FREM1: variants seen among roughly 807,000 people sequenced by gnomAD.
FREM1 encodes FRAS1-related extracellular matrix protein 1.
A neutral mutation model predicts 210.1 loss-of-function variants in FREM1; 220 were observed. The observed-to-expected ratio is 1.05, with a 90% CI of 0.94 to 1.17. The LOEUF is 1.17. Ranked by LOEUF, FREM1 falls within the 50% of genes most tolerant of loss-of-function variation. FREM1 has a pLI of 0.00. For synonymous variants in FREM1, 1,189 were observed against 980.2 expected (o/e 1.21, Z -3.98); for missense variants, 3,454 against 2,675.5 (o/e 1.29, Z -6.42).
intron 1 of FREM1, among the ~76,000 whole-genome samples, chr9:14,882,067 G>C (rs563720080): frequency 1.3e-5 from 2 of 152,204 alleles, no homozygotes; most frequent in Admixed American, 6.5e-5. Flanking sequence ...TTTTACACAG[G>C]AGAGAATGTA....
chr9:14,796,806 C>G (rs1333193871), intron 21 of FREM1, among the ~76,000 whole-genome samples: 1 of 152,154 alleles, frequency 6.6e-6, no homozygotes, highest in African/African-American at 2.4e-5. Flanking sequence ...TCCTCCCAAT[C>G]CCTACAGAGC....
intron 10 of FREM1, among the ~76,000 whole-genome samples, chr9:14,825,298 G>A (rs1241818183): frequency 1.3e-5 from 2 of 151,554 alleles, no homozygotes; most frequent in Non-Finnish European, 2.9e-5. Context: ...GAACAGCCTG[G>A]CCAACATAGT....
At chr9:14,895,654 T>C (rs1035873802) in intron 1 of FREM1, among the ~76,000 whole-genome samples, 7 of 152,100 alleles carry the variant, frequency 4.6e-5, no homozygotes, top group Non-Finnish European at 5.9e-5. Context: ...GTTGTACTCT[T>C]TGTGTAGAAA....
intron 18 of FREM1, 41 bp downstream of exon 18, chr9:14,806,620 T>C: frequency 8.6e-7 from 1 of 1,165,364 alleles, no homozygotes; most frequent in Non-Finnish European, 1.3e-6. Flanking sequence ...TCCATAAATA[T>C]AAGGAAGGGA....
intron 2 of FREM1, among the ~76,000 whole-genome samples, chr9:14,864,910 A>G (rs1831236593): frequency 6.6e-6 from 1 of 152,228 alleles, no homozygotes; most frequent in Admixed American, 6.5e-5. Context: ...TAAAGCAAAG[A>G]CCTTCCCCAT....
chr9:14,773,729 T>G (rs940465143), intron 25 of FREM1, among the ~76,000 whole-genome samples: 1 of 151,936 alleles, frequency 6.6e-6, no homozygotes, highest in African/African-American at 2.4e-5. Flanking sequence ...TCTCTTACAA[T>G]AGCCATGCTC....
At chr9:14,769,312 T>C (rs1018984536) in intron 27 of FREM1, among the ~76,000 whole-genome samples, 3 of 152,220 alleles carry the variant, frequency 2.0e-5, no homozygotes, top group African/African-American at 7.2e-5. Flanking sequence ...TCTTCTTGAC[T>C]ACCTCATTTC....
chr9:14,833,712 A>C (rs577456448), intron 10 of FREM1, among the ~76,000 whole-genome samples: 1 of 152,204 alleles, frequency 6.6e-6, no homozygotes, highest in Non-Finnish European at 1.5e-5. Context: ...CTTAATTAAG[A>C]GTGGATATTC....
At position 14,757,530 on chromosome 9, in the gene FREM1, G is replaced by A. The variant is rs1453175863; in HGVS notation, c.5335-1084C>T. 5.9e-5 allele frequency among the ~76,000 whole-genome samples: 9 copies of A among 152,308 alleles called. No individual in the cohort carries two copies. In the South Asian group the frequency reaches 1.0e-3, roughly 18 times the overall value. On this transcript the variant is annotated intron_variant, in intron 28 of 36. Transcript: ENST00000380880. ...AGATGGTGCCATTGCACTCCAGCCCGGGTGATAGAGTGAGATTCCATCTCA... is the reference window on the plus strand; with the variant it reads ...AGATGGTGCCATTGCACTCCAGCCCAGGTGATAGAGTGAGATTCCATCTCA...
At position 14,851,181 on chromosome 9, in the gene FREM1, T is replaced by C. The variant is rs1431337244; in HGVS notation, c.1152+103A>G. 3 of 822,684 alleles carry C rather than the reference T, an allele frequency of 3.6e-6. No individual in the cohort carries two copies. In the East Asian group the frequency reaches 7.6e-5, roughly 21 times the overall value. 51.0% of individuals were successfully genotyped at this position (822,684 alleles called of 1,614,324 possible). A position where few individuals can be genotyped will look rare whatever the true frequency, so the allele number is the denominator to read the frequency against. ...TGATTTACAGTGATTGATTCTTTTC[T>C]GAGGCAATGAATGTACAAAGGAACC... On this transcript the variant is annotated intron_variant, in intron 6 of 36. Coordinates refer to ENST00000380880, the MANE Select transcript of FREM1 (RefSeq NM_001379081.2).
At chr9:14,788,802 A>T in intron 23 of FREM1, 117 bp downstream of exon 23, 1 of 795,458 alleles carries the variant, frequency 1.3e-6, no homozygotes, top group Non-Finnish European at 2.0e-6. Flanking sequence ...TTCAAAGATG[A>T]AGAGTGGCAG....
Position 14,776,130 on chromosome 9 carries a change from G to C in FREM1, c.4516C>G (p.Leu1506Val). The part of the protein sequence containing the change: ...EITLETVDRA[L>V]PVVTRNKGLR... Reference sequence around the variant, plus strand: ...CCCTTGTTCCTGGTTACCACAGGCAGGGCTCTGTCCACAGTCTCCAGTGTG... The same window carrying C: ...CCCTTGTTCCTGGTTACCACAGGCACGGCTCTGTCCACAGTCTCCAGTGTG... The change falls in exon 25 of 37, where the codon CTG (leucine) becomes GTG (valine). Residue 1506 changes from leucine (L) to valine (V), a missense_variant. By Grantham distance (32) the Leu-to-Val change is conservative (BLOSUM62 1). Coordinates refer to ENST00000380880, the MANE Select transcript of FREM1 (RefSeq NM_001379081.2). 6.3e-7 allele frequency: 1 copy of C among 1,589,318 alleles called. No homozygotes were observed. Among genetic ancestry groups the C allele is most frequent in the Non-Finnish European group, 8.6e-7 (1 of 1,166,548 alleles).
intron 1 of FREM1, among the ~76,000 whole-genome samples, chr9:14,881,632 T>C (rs139149945): frequency 6.6e-6 from 1 of 152,254 alleles, no homozygotes; most frequent in Non-Finnish European, 1.5e-5. Context: ...TTATGATAAC[T>C]TAGTAACTCT....
At chr9:14,784,014 T>A (rs1207634276) in intron 24 of FREM1, among the ~76,000 whole-genome samples, 1 of 152,178 alleles carries the variant, frequency 6.6e-6, no homozygotes, top group African/African-American at 2.4e-5. Flanking sequence ...TTTTCACATT[T>A]CTCCTCGTAG....
chr9:14,789,311 A>C (rs570655063), intron 22 of FREM1, among the ~76,000 whole-genome samples, 197 bp from the exon 23 acceptor site: 8 of 152,318 alleles, frequency 5.3e-5, no homozygotes, highest in Admixed American at 3.3e-4. Context: ...AGACCTTGGA[A>C]AAACACCGGC....
At chr9:14,860,886 C>CGT (rs1259253698) in intron 3 of FREM1, among the ~76,000 whole-genome samples, 17 of 61,330 alleles carry the variant, frequency 2.8e-4, no homozygotes, top group Non-Finnish European at 3.6e-4. Context: ...TATATATACA[C>CGT]ATATATACAT....
At chr9:14,825,547 G>GTGTATA in intron 10 of FREM1, among the ~76,000 whole-genome samples, 18 of 75,932 alleles carry the variant, frequency 2.4e-4, no homozygotes, top group Non-Finnish European at 3.2e-4. Context: ...GTGTGTGTGT[G>GTGTATA]TATATATATA....
At chr9:14,840,692 C>T (rs185824346) in intron 10 of FREM1, among the ~76,000 whole-genome samples, 1 of 152,298 alleles carries the variant, frequency 6.6e-6, no homozygotes, top group African/African-American at 2.4e-5. Context: ...CACAGCCAAA[C>T]CATATCAGTA....
At chr9:14,879,301 A>G (rs1834361621) in intron 1 of FREM1, among the ~76,000 whole-genome samples, 1 of 117,360 alleles carries the variant, frequency 8.5e-6, no homozygotes. Context: ...TTCTGTGCCC[A>G]TAACACTGAG....
Sources: allele counts gnomAD v4.1 joint callset (sites outside exome capture counted in the v4.1 genomes callset), GRCh38; gene constraint gnomAD v4.1.1; transcripts MANE v1.5; gene names NCBI Gene and HGNC (gene_info 2026-07-23, HGNC 2026-07-21).